Variants in EPB41L2 observed in about 807,000 individuals in gnomAD.
The protein encoded by EPB41L2 is erythrocyte membrane protein band 4.1 like 2.
EPB41L2 carries 43 observed loss-of-function variants against 113.0 expected under a neutral mutation model. The observed-to-expected ratio is 0.38, with a 90% CI of 0.30 to 0.49. The LOEUF is 0.49. Among genes scored for constraint, EPB41L2 ranks in the 20% least tolerant of loss-of-function variants. The pLI is 0.95. For synonymous variants in EPB41L2, 442 were observed against 436.7 expected (o/e 1.01, Z -0.15); for missense variants, 1,147 against 1,223.4 (o/e 0.94, Z 0.93).
At chr6:131,054,764 CA>C (rs1797289572) in intron 1 of EPB41L2, among the ~76,000 whole-genome samples, 1 of 152,142 alleles carries the variant, frequency 6.6e-6, no homozygotes, top group African/African-American at 2.4e-5. Context: ...AAGGAAGGGC[CA>C]GGGGAAGAAG....
At chr6:130,867,936 T>C in intron 15 of EPB41L2, 1 of 200,284 alleles carries the variant, frequency 5.0e-6, no homozygotes. Context: ...TAGTGTATAG[T>C]GACACACACA....
intron 18 of EPB41L2, among the ~76,000 whole-genome samples, 200 bp downstream of exon 18, chr6:130,863,437 TA>T (rs1782765329): frequency 6.6e-6 from 1 of 152,098 alleles, no homozygotes; most frequent in African/African-American, 2.4e-5. Context: ...CAGTGGGAAA[TA>T]AAGAGAAATC....
At chr6:131,048,119 A>ACAGAG (rs1333545028) in intron 1 of EPB41L2, among the ~76,000 whole-genome samples, 14 of 141,354 alleles carry the variant, frequency 9.9e-5, no homozygotes. Flanking sequence ...GGCCTGGGCG[A>ACAGAG]CAGAGCAAGA....
chr6:131,006,744 C>T (rs1235894178), intron 1 of EPB41L2, among the ~76,000 whole-genome samples: 1 of 151,888 alleles, frequency 6.6e-6, no homozygotes, highest in Non-Finnish European at 1.5e-5. Flanking sequence ...GGTCATGACT[C>T]TCTAATACTA....
intron 3 of EPB41L2, among the ~76,000 whole-genome samples, chr6:130,944,628 A>C (rs947017027): frequency 2.0e-5 from 3 of 152,368 alleles, no homozygotes; most frequent in South Asian, 4.1e-4. Context: ...TTGGAAACTA[A>C]GATAGGCAGG....
chr6:131,039,368 A>C (rs1793986235), intron 1 of EPB41L2, among the ~76,000 whole-genome samples: 1 of 152,248 alleles, frequency 6.6e-6, no homozygotes, highest in Non-Finnish European at 1.5e-5. Flanking sequence ...AATAGGAAGA[A>C]AGTAATGAAG....
intron 10 of EPB41L2, among the ~76,000 whole-genome samples, chr6:130,893,068 T>C (rs1793499740): frequency 6.6e-6 from 1 of 152,140 alleles, no homozygotes; most frequent in Non-Finnish European, 1.5e-5. Flanking sequence ...AAAAAACATG[T>C]CCTTGAAGAA....
intron 3 of EPB41L2, among the ~76,000 whole-genome samples, chr6:130,936,927 C>T (rs1276173396): frequency 1.3e-5 from 2 of 152,204 alleles, no homozygotes; most frequent in Non-Finnish European, 2.9e-5. Flanking sequence ...ATCAGACCCG[C>T]TGAATTAGAA....
At chr6:130,871,298 G>A (rs952866998) in intron 14 of EPB41L2, among the ~76,000 whole-genome samples, 2 of 151,976 alleles carry the variant, frequency 1.3e-5, no homozygotes, top group Non-Finnish European at 2.9e-5. Context: ...ACTCAAGCAT[G>A]GCCAACTTTT....
At chr6:130,998,997 C>T (rs1009892813) in intron 1 of EPB41L2, among the ~76,000 whole-genome samples, 1 of 152,116 alleles carries the variant, frequency 6.6e-6, no homozygotes, top group Non-Finnish European at 1.5e-5. Context: ...TGAAAGCTAT[C>T]ATTCTGGAGG....
intron 8 of EPB41L2, among the ~76,000 whole-genome samples, chr6:130,896,171 T>C (rs1794596862): frequency 6.6e-6 from 1 of 152,236 alleles, no homozygotes; most frequent in African/African-American, 2.4e-5. Flanking sequence ...TTTAAATCAG[T>C]TTTTTATAAA....
At chr6:130,926,786 G>C in intron 3 of EPB41L2, 77 bp from the exon 4 acceptor site, 1 of 782,624 alleles carries the variant, frequency 1.3e-6, no homozygotes, top group Non-Finnish European at 2.1e-6. Flanking sequence ...CATCATATCA[G>C]ATACATGATT....
chr6:131,033,562 ATAAG>A (rs1219039283), intron 1 of EPB41L2, among the ~76,000 whole-genome samples: 5 of 152,258 alleles, frequency 3.3e-5, no homozygotes, highest in Admixed American at 2.0e-4. Context: ...AGATGAATGG[ATAAG>A]TAAGACATAT....
At chr6:131,052,664 T>C (rs1001217992) in intron 1 of EPB41L2, among the ~76,000 whole-genome samples, 1 of 152,144 alleles carries the variant, frequency 6.6e-6, no homozygotes, top group Non-Finnish European at 1.5e-5. Flanking sequence ...TTTGTATATA[T>C]AAGTTGGAAA....
intron 7 of EPB41L2, among the ~76,000 whole-genome samples, chr6:130,899,882 G>T (rs1583233130): frequency 6.6e-6 from 1 of 152,232 alleles, no homozygotes; most frequent in East Asian, 1.9e-4. Flanking sequence ...TACAACATAA[G>T]TACTGGAGAA....
intron 1 of EPB41L2, among the ~76,000 whole-genome samples, chr6:131,045,897 A>C (rs1388041176): frequency 1.3e-5 from 2 of 151,174 alleles, no homozygotes; most frequent in East Asian, 3.9e-4. Context: ...GATACCATGA[A>C]AACTTTATCA....
chr6:130,896,650 T>C (rs1009724546), intron 8 of EPB41L2, among the ~76,000 whole-genome samples: 8 of 152,230 alleles, frequency 5.3e-5, no homozygotes, highest in African/African-American at 1.9e-4. Flanking sequence ...GTAATTATTT[T>C]AGAATTACCA....
At chr6:130,919,288 T>C (rs1021686437) in intron 4 of EPB41L2, among the ~76,000 whole-genome samples, 1 of 152,190 alleles carries the variant, frequency 6.6e-6, no homozygotes, top group African/African-American at 2.4e-5. Context: ...AGTGTCTTTC[T>C]GTCAATAAGA....
chr6:130,996,761 C>A (rs1783225229), intron 1 of EPB41L2, among the ~76,000 whole-genome samples: 2 of 152,162 alleles, frequency 1.3e-5, no homozygotes, highest in South Asian at 4.1e-4. Flanking sequence ...AGACAAGAGA[C>A]TGGAAATGTT....
Sources: allele counts gnomAD v4.1 joint callset (sites outside exome capture counted in the v4.1 genomes callset), GRCh38; gene constraint gnomAD v4.1.1; transcripts MANE v1.5; gene names NCBI Gene and HGNC (gene_info 2026-07-23, HGNC 2026-07-21).